Variants in PTPRG observed in about 807,000 individuals in gnomAD.
The protein encoded by PTPRG is receptor-type tyrosine-protein phosphatase gamma.
Under a neutral mutation model 165.3 loss-of-function variants are expected in PTPRG, and 102 were observed. The observed-to-expected ratio is 0.62, with a 90% confidence interval of 0.53 to 0.73. The LOEUF (loss-of-function observed/expected upper bound fraction) is 0.73. Ranked by LOEUF, PTPRG falls within the 30% of genes least tolerant of loss-of-function variation. PTPRG has a pLI of 0.00. For missense variants in PTPRG, 1,866 were observed against 1,861.4 expected, an observed-to-expected ratio of 1.00 and a Z score of -0.05; for synonymous variants, 675 against 669.5, an observed-to-expected ratio of 1.01 and a Z score of -0.13.
At chr3:61,636,614 G>A (rs1024445761) in intron 1 of PTPRG, among the ~76,000 whole-genome samples, 3 of 152,164 alleles carry the variant, frequency 2.0e-5, no homozygotes, top group Admixed American at 6.5e-5. Context: ...GAGCCACCAC[G>A]CCCAGCCTTG....
intron 1 of PTPRG, among the ~76,000 whole-genome samples, chr3:61,667,983 A>C (rs1273042319): frequency 1.3e-5 from 2 of 152,106 alleles, no homozygotes; most frequent in Non-Finnish European, 2.9e-5. Flanking sequence ...TTTTATTGGA[A>C]TAGAGCCCCT....
rs139951217 is a variant in PTPRG at position 62,281,494 on chromosome 3, G to A, written c.3766-69G>A. On this transcript the variant is annotated intron_variant, in intron 26 of 29. Transcript: ENST00000474889. Reference sequence around the variant, plus strand: ...AGAGGGATGGGAAATGACAAAATCCGTATGCAAGAAATAGAAAACAAATCC... The same window carrying A: ...AGAGGGATGGGAAATGACAAAATCCATATGCAAGAAATAGAAAACAAATCC... The A allele has an allele frequency of 1.0e-3, 1,320 of 1,319,524 alleles. 55 individuals carry two copies. In the East Asian group the frequency reaches 0.026, roughly 26 times the overall value. 81.7% of individuals were successfully genotyped at this position (1,319,524 alleles called of 1,614,324 possible). A position where few individuals can be genotyped will look rare whatever the true frequency, so the allele number is the denominator to read the frequency against.
intron 1 of PTPRG, among the ~76,000 whole-genome samples, chr3:61,748,076 A>G (rs2033282534): frequency 1.3e-5 from 2 of 152,176 alleles, no homozygotes; most frequent in East Asian, 1.9e-4. Flanking sequence ...TGCTTGGTGG[A>G]TTGAAATGAT....
rs1700584106 is a variant in PTPRG, at chr3:62,054,855, G to T, written c.520-23308G>T. Reference sequence around the variant, plus strand: ...TTACGTGAGAGGCATGTATTTTGCTGAATAAGTTCATGGACGAGGTATAAA... The same window carrying T: ...TTACGTGAGAGGCATGTATTTTGCTTAATAAGTTCATGGACGAGGTATAAA... On this transcript the variant is annotated intron_variant, in intron 4 of 29. Coordinates refer to ENST00000474889, the MANE Select transcript of PTPRG (RefSeq NM_002841.4). 2.0e-5 allele frequency among the ~76,000 whole-genome samples: 3 copies of T among 152,226 alleles called. No individual in the cohort carries two copies. In the South Asian group the frequency reaches 6.2e-4, roughly 31 times the overall value.
intron 2 of PTPRG, among the ~76,000 whole-genome samples, chr3:61,965,716 A>G (rs2040255737): frequency 6.6e-6 from 1 of 152,228 alleles, no homozygotes; most frequent in African/African-American, 2.4e-5. Flanking sequence ...CATGCTCACT[A>G]TTTGCAAGAC....
At chr3:62,038,095 C>T (rs1700008762) in intron 4 of PTPRG, among the ~76,000 whole-genome samples, 1 of 152,134 alleles carries the variant, frequency 6.6e-6, no homozygotes, top group Non-Finnish European at 1.5e-5. Context: ...ATTATTTGGA[C>T]AAGTTACTTA....
At position 61,730,187 on chromosome 3, in the gene PTPRG, CAGGGGCTTGT is replaced by C. The variant is rs1384413301; in HGVS notation, c.86-18690_86-18681del. 2.0e-5 allele frequency among the ~76,000 whole-genome samples: 3 copies of C among 152,160 alleles called. No individual in the cohort carries two copies. In the East Asian group the frequency reaches 5.8e-4, roughly 29 times the overall value. On this transcript the variant is annotated intron_variant, in intron 1 of 29. Coordinates refer to ENST00000474889, the MANE Select transcript of PTPRG (RefSeq NM_002841.4). ...GGGATACCGTCTGTGTTGGCAGAACCAGGGGCTTGTCCTGCTGGGCTGGAGCCCACCAACT... is the reference window on the plus strand; with the variant it reads ...GGGATACCGTCTGTGTTGGCAGAACCCCTGCTGGGCTGGAGCCCACCAACT...
At chr3:62,013,393 T>A (rs2041470293) in intron 4 of PTPRG, among the ~76,000 whole-genome samples, 1 of 152,164 alleles carries the variant, frequency 6.6e-6, no homozygotes, top group African/African-American at 2.4e-5. Context: ...GTTGAATTTT[T>A]GGTAATTTTG....
intron 2 of PTPRG, among the ~76,000 whole-genome samples, chr3:61,923,110 G>C (rs1208425663): frequency 2.0e-5 from 3 of 150,504 alleles, no homozygotes. Flanking sequence ...CCACTGCCTA[G>C]AGCTTAGTAG....
At chr3:61,878,286 A>G (rs1376554745) in intron 2 of PTPRG, among the ~76,000 whole-genome samples, 3 of 152,168 alleles carry the variant, frequency 2.0e-5, no homozygotes, top group African/African-American at 7.2e-5. Context: ...CACAATAGCG[A>G]TAGTAAATAT....
chr3:62,177,978 T>C (rs1705494421), intron 8 of PTPRG, among the ~76,000 whole-genome samples: 1 of 139,196 alleles, frequency 7.2e-6, no homozygotes. Flanking sequence ...TCTGTTTTTA[T>C]TGGAGAGAGG....
At chr3:61,684,229 C>CTGG (rs1257770270) in intron 1 of PTPRG, among the ~76,000 whole-genome samples, 2 of 152,130 alleles carry the variant, frequency 1.3e-5, no homozygotes, top group African/African-American at 4.8e-5. Context: ...AGTGTATATG[C>CTGG]TGGTGGTGAT....
At chr3:62,069,684 T>TCTCTCTCTCTCTCTCTCTCACACA (rs542306888) in intron 4 of PTPRG, among the ~76,000 whole-genome samples, 4 of 145,052 alleles carry the variant, frequency 2.8e-5, no homozygotes, top group East Asian at 4.4e-4. Context: ...TCTCTCTCTC[T>TCTCTCTCTCTCTCTCTCTCACACA]CACACACAGA....
intron 1 of PTPRG, among the ~76,000 whole-genome samples, chr3:61,730,551 G>C (rs928922204): frequency 6.6e-6 from 1 of 152,182 alleles, no homozygotes; most frequent in South Asian, 2.1e-4. Flanking sequence ...ACAGGAGTTT[G>C]TTAAAAATAT....
At chr3:61,687,307 C>G (rs1175605380) in intron 1 of PTPRG, among the ~76,000 whole-genome samples, 1 of 152,174 alleles carries the variant, frequency 6.6e-6, no homozygotes, top group Non-Finnish European at 1.5e-5. Context: ...TGGTGGGTGC[C>G]CATAGATTCA....
At chr3:61,803,489 C>T (rs1383571710) in intron 2 of PTPRG, among the ~76,000 whole-genome samples, 1 of 126,108 alleles carries the variant, frequency 7.9e-6, no homozygotes, top group Non-Finnish European at 1.6e-5. Flanking sequence ...TCATGTTGTC[C>T]ATGTTGTCCA....
At chr3:62,141,932 G>A (rs1207053371) in intron 6 of PTPRG, among the ~76,000 whole-genome samples, 3 of 151,690 alleles carry the variant, frequency 2.0e-5, no homozygotes, top group African/African-American at 7.3e-5. Context: ...AAGAATGTTT[G>A]TGGTGGTGAT....
At chr3:61,806,139 C>G (rs572530014) in intron 2 of PTPRG, among the ~76,000 whole-genome samples, 1 of 152,146 alleles carries the variant, frequency 6.6e-6, no homozygotes, top group Non-Finnish European at 1.5e-5. Flanking sequence ...GCCTAGGTCT[C>G]TTCCAAAACT....
At chr3:61,833,271 C>T (rs1387370406) in intron 2 of PTPRG, among the ~76,000 whole-genome samples, 1 of 152,144 alleles carries the variant, frequency 6.6e-6, no homozygotes, top group Non-Finnish European at 1.5e-5. Flanking sequence ...CACTATAATG[C>T]CCCCAATTTT....
Sources: allele counts gnomAD v4.1 joint callset (sites outside exome capture counted in the v4.1 genomes callset), GRCh38; gene constraint gnomAD v4.1.1; transcripts MANE v1.5; gene names NCBI Gene and HGNC (gene_info 2026-07-23, HGNC 2026-07-21).